CA2: variants seen among roughly 807,000 people sequenced by gnomAD.
The protein encoded by CA2 is carbonate dehydratase II.
In CA2, 23 loss-of-function variants were observed where a neutral mutation model predicts 27.8. The observed-to-expected ratio is 0.83, with a 90% CI of 0.59 to 1.17. CA2 has a LOEUF of 1.17. Among genes scored for constraint, CA2 ranks in the 50% most tolerant of loss-of-function variants. The pLI is 0.00. For synonymous variants in CA2, 99 were observed against 114.9 expected, an observed-to-expected ratio of 0.86 and a Z score of 0.88; for missense variants, 300 against 314.7, an observed-to-expected ratio of 0.95 and a Z score of 0.35.
At chr8:85,477,433 G>A (rs562863351) in intron 6 of CA2, among the ~76,000 whole-genome samples, 158 bp downstream of exon 6, 6 of 152,116 alleles carry the variant, frequency 3.9e-5, no homozygotes, top group African/African-American at 9.6e-5. Flanking sequence ...AATAAACAGC[G>A]TTCAGTAAAT....
intron 2 of CA2, among the ~76,000 whole-genome samples, chr8:85,472,688 A>T (rs1049923425): frequency 1.3e-5 from 2 of 152,164 alleles, no homozygotes; most frequent in Non-Finnish European, 2.9e-5. Context: ...TTAAGGTCAA[A>T]GAGGTTTAAT....
At chr8:85,464,309 C>T in intron 1 of CA2, 194 bp downstream of exon 1, 2 of 486,342 alleles carry the variant, frequency 4.1e-6, no homozygotes, top group Non-Finnish European at 7.1e-6. Context: ...GGGGATGTCC[C>T]CCTTGCCCCA....
At position 85,475,795 on chromosome 8, in the gene CA2, T is replaced by C. The variant is rs748194474; in HGVS notation, c.445-3T>C. ...GTATCTTGCCCTTTATGTTTTTCTT[T>C]AGGTTGGCAGCGCTAAACCGGGCCT... On this transcript the variant is annotated splice_region_variant and splice_polypyrimidine_tract_variant and intron_variant, in intron 4 of 6. Transcript: ENST00000285379. 2.9e-5 allele frequency: 46 copies of C among 1,613,682 alleles called. No homozygotes were observed. In the East Asian group the frequency reaches 1.0e-3, roughly 36 times the overall value.
At position 85,480,794 on chromosome 8, in the gene CA2, G is replaced by T. The variant is rs954623640; in HGVS notation, c.*5G>T. On this transcript the variant is annotated 3_prime_UTR_variant, in exon 7 of 7. Transcript: ENST00000285379. ...ATCAAAGCTTCCTTCAAATAAGATGGTCCCATAGTCTGTATCCAAATAATG... is the reference window on the plus strand; with the variant it reads ...ATCAAAGCTTCCTTCAAATAAGATGTTCCCATAGTCTGTATCCAAATAATG... 3 of 1,613,440 alleles carry T rather than the reference G, an allele frequency of 1.9e-6. No individual in the cohort carries two copies. The African/African-American group carries it at 4.0e-5, about 22-fold the overall frequency.
rs367718602 is a variant in CA2, at chr8:85,475,908, C to T, written c.507+48C>T. The T allele has an allele frequency of 2.1e-6, 3 of 1,463,242 alleles. No homozygotes were observed. The African/African-American group carries it at 4.2e-5, about 20-fold the overall frequency. The allele number at this position is 1,463,242 out of a possible 1,614,324, so 90.6% of individuals were successfully genotyped here. ...CTCCTTAGGGTACCAATTTTCAATA[C>T]TCCATTGGTTTTAGAAATTTCTTTT... is the stretch of plus-strand genomic sequence containing the variant. On this transcript the variant is annotated intron_variant, in intron 5 of 6. Transcript: ENST00000285379.
In CA2 at chr8:85,481,096, C is replaced by G; in HGVS notation, c.*307C>G. On this transcript the variant is annotated 3_prime_UTR_variant, in exon 7 of 7. Transcript: ENST00000285379. Reference sequence around the variant, plus strand: ...CAGCATGTAGGGTGATGAGCACTCACAATTGTTGACTAAAATGCTGCTTTT... The same window carrying G: ...CAGCATGTAGGGTGATGAGCACTCAGAATTGTTGACTAAAATGCTGCTTTT... 9.2e-6 allele frequency: 3 copies of G among 326,936 alleles called. No homozygotes were observed. The highest frequency in any genetic ancestry group is 7.0e-5 in the East Asian group (1 of 14,320). 20.3% of individuals were successfully genotyped at this position (326,936 alleles called of 1,614,324 possible). A position where few individuals can be genotyped will look rare whatever the true frequency, so the allele number is the denominator to read the frequency against.
At chr8:85,472,995 A>AAATAAT (rs10666381) in intron 2 of CA2, among the ~76,000 whole-genome samples, 25 of 130,566 alleles carry the variant, frequency 1.9e-4, no homozygotes, top group Middle Eastern at 3.8e-3. Context: ...CTCTGTTTCA[A>AAATAAT]AATAATAATA....
Position 85,474,396 on chromosome 8 carries a change from G to A in CA2, c.424G>A (p.Val142Ile), listed in dbSNP as rs373116402. The A allele has an allele frequency of 3.6e-5, 58 of 1,613,368 alleles. No individual in the cohort carries two copies. Among genetic ancestry groups the A allele is most frequent in the Middle Eastern group, 1.6e-4 (1 of 6,082 alleles). The part of the protein sequence containing the change: ...KAVQQPDGLA[V>I]LGIFLKVGSA... ...TGTGCAGCAACCTGATGGACTGGCC[G>A]TTCTAGGTATTTTTTTGAAGGTTAG... Residue 142 changes from valine to isoleucine, a missense_variant, in exon 4 of 7, where the codon GTT becomes ATT. This residue lies in a region of CA2 where 173 missense variants were observed against 161.0 expected (regional missense o/e 1.07). Coordinates refer to ENST00000285379, the MANE Select transcript of CA2 (RefSeq NM_000067.3).
At chr8:85,473,647 A>G (rs1811742148) in intron 2 of CA2, 46 bp from the exon 3 acceptor site, 1 of 896,508 alleles carries the variant, frequency 1.1e-6, no homozygotes, top group Non-Finnish European at 1.9e-6. Context: ...ATGTGTATGC[A>G]GATACATACA....
intron 2 of CA2, among the ~76,000 whole-genome samples, chr8:85,467,988 C>A (rs544242870): frequency 1.3e-5 from 2 of 152,186 alleles, no homozygotes; most frequent in African/African-American, 2.4e-5. Flanking sequence ...AGGGTGGAGG[C>A]CTGGTCCCTC....
chr8:85,474,062 A>G, intron 3 of CA2: 1 of 605,468 alleles, frequency 1.7e-6, no homozygotes, highest in East Asian at 2.8e-5. Flanking sequence ...ATCCTGTTTT[A>G]ACAGAAATTT....
rs967699075 is a variant in CA2 at position 85,472,740 on chromosome 8, C to T, written c.233-953C>T. ...GCACGGTGGCTCATGCCTGTAATCC[C>T]GGCACTTTAGGAGGCCGAGGTGGAT... On this transcript the variant is annotated intron_variant, in intron 2 of 6. Coordinates refer to ENST00000285379, the MANE Select transcript of CA2 (RefSeq NM_000067.3). Among the ~76,000 whole-genome samples, 9 of 152,082 alleles carry T rather than the reference C, an allele frequency of 5.9e-5. No individual in the cohort carries two copies. The East Asian group carries it at 1.6e-3, about 26-fold the overall frequency.
Position 85,465,468 on chromosome 8 carries a change from A to T in CA2, c.231A>T (p.Ala77=). Reference sequence around the variant, plus strand: ...AGTTTGATGACTCTCAGGACAAAGCAGGTCAGTGTTTAGAAAATAACTTGT... The same window carrying T: ...AGTTTGATGACTCTCAGGACAAAGCTGGTCAGTGTTTAGAAAATAACTTGT... ...NVEFDDSQDK[A]VLKGGPLDGT... Residue 77 remains alanine (A), a splice_region_variant and synonymous_variant, in exon 2 of 7, where the codon GCA becomes GCT. Coordinates refer to ENST00000285379, the MANE Select transcript of CA2 (RefSeq NM_000067.3). The T allele has an allele frequency of 6.2e-7, 1 of 1,612,950 alleles. No individual in the cohort carries two copies. Among genetic ancestry groups the T allele is most frequent in the Non-Finnish European group, 8.5e-7 (1 of 1,179,190 alleles).
rs889807340 is a variant in CA2, at chr8:85,480,953, C to A, written c.*164C>A. 4 of 704,362 alleles carry A rather than the reference C, an allele frequency of 5.7e-6. No individual in the cohort carries two copies. The highest frequency in any genetic ancestry group is 1.7e-5 in the South Asian group (1 of 59,588). The allele number at this position is 704,362 out of a possible 1,614,324, so 43.6% of individuals were successfully genotyped here. A position where few individuals can be genotyped will look rare whatever the true frequency, so the allele number is the denominator to read the frequency against. On this transcript the variant is annotated 3_prime_UTR_variant, in exon 7 of 7. Coordinates refer to ENST00000285379, the MANE Select transcript of CA2 (RefSeq NM_000067.3). ...TACTAATAAAATGTGAAGACTAGAC[C>A]AATTGTCATGCTTGACACAACTGCT...
chr8:85,468,525 G>A (rs1007765521), intron 2 of CA2, among the ~76,000 whole-genome samples: 7 of 152,206 alleles, frequency 4.6e-5, no homozygotes, highest in African/African-American at 1.7e-4. Context: ...TTGGAAGACT[G>A]AGGTGGGCGG....
intron 2 of CA2, among the ~76,000 whole-genome samples, chr8:85,472,708 C>G (rs1206183953): frequency 6.6e-6 from 1 of 151,984 alleles, no homozygotes; most frequent in Non-Finnish European, 1.5e-5. Flanking sequence ...TAAAAATTTT[C>G]GGCCGGGCAC....
At chr8:85,471,038 C>T (rs899652970) in intron 2 of CA2, among the ~76,000 whole-genome samples, 1 of 151,930 alleles carries the variant, frequency 6.6e-6, no homozygotes, top group East Asian at 1.9e-4. Context: ...TAGAAAATGG[C>T]ATGTAGTCAT....
At chr8:85,471,556 C>T (rs1048224949) in intron 2 of CA2, among the ~76,000 whole-genome samples, 1 of 151,960 alleles carries the variant, frequency 6.6e-6, no homozygotes, top group African/African-American at 2.4e-5. Context: ...ATGTAAGATC[C>T]TGCTATGATT....
chr8:85,472,136 A>G (rs1478277470), intron 2 of CA2, among the ~76,000 whole-genome samples: 2 of 152,190 alleles, frequency 1.3e-5, no homozygotes, highest in Non-Finnish European at 2.9e-5. Flanking sequence ...GCTACCATGT[A>G]AGGATATTTA....
Sources: allele counts gnomAD v4.1 joint callset (sites outside exome capture counted in the v4.1 genomes callset), GRCh38; gene constraint gnomAD v4.1.1; regional missense constraint gnomAD v4.1.1; transcripts MANE v1.5; gene names NCBI Gene and HGNC (gene_info 2026-07-23, HGNC 2026-07-21).